The following MYO1H variants were observed in gnomAD, a reference collection of about 807,000 sequenced individuals.
MYO1H encodes myosin IH.
MYO1H carries 118 observed loss-of-function variants against 149.3 expected under a neutral mutation model. The ratio of observed to expected loss-of-function variants is 0.79; its 90% CI spans 0.68 to 0.92. MYO1H has a LOEUF of 0.92. Among genes scored for constraint, MYO1H ranks in the 40% least tolerant of loss-of-function variants. The probability of loss-of-function intolerance (pLI) is 0.00; values close to 1 mark genes in which losing one functional copy is unlikely to be tolerated. For missense variants in MYO1H, 1,212 were observed against 1,280.7 expected, an observed-to-expected ratio of 0.95 and a Z score of 0.82; for synonymous variants, 447 against 465.2, an observed-to-expected ratio of 0.96 and a Z score of 0.50.
intron 1 of MYO1H, among the ~76,000 whole-genome samples, chr12:109,386,765 T>C (rs1382472650): frequency 5.3e-5 from 8 of 152,190 alleles, no homozygotes; most frequent in Admixed American, 5.2e-4. Context: ...TTAGGAATAT[T>C]TTCTGCTGTT....
rs541289093 is a variant in MYO1H at position 109,358,846 on chromosome 12, TAAAAAAAAAAAAA to T, written c.12+10886_12+10898del. On this transcript the variant is annotated intron_variant, in intron 1 of 31. Coordinates refer to ENST00000310903, the Ensembl canonical transcript of MYO1H. ...TTCTGGGGGAAGCATCCTGTGGTGT[TAAAAAAAAAAAAA>T]AAAAAAAAAAAGGCTCTAAGATAAA... is the stretch of plus-strand genomic sequence containing the variant. Among the ~76,000 whole-genome samples, 6 of 84,534 alleles carry T rather than the reference TAAAAAAAAAAAAA, an allele frequency of 7.1e-5. 1 individual carries two copies. The South Asian group carries it at 2.8e-3, about 40-fold the overall frequency. The allele number at this position is 84,534 out of a possible 152,430, so 55.5% of individuals were successfully genotyped here.
chr12:109,321,409 C>T, the MYO1H span, among the ~76,000 whole-genome samples: 31 of 151,322 alleles, frequency 2.0e-4, 1 homozygote, highest in East Asian at 3.2e-3. Context: ...AAAAATTAGC[C>T]GGGTGTGGTG....
chr12:109,349,495 A>C (rs12824535), intron 1 of MYO1H, among the ~76,000 whole-genome samples: 71,098 of 144,236 alleles, frequency 0.49, 18,527 homozygotes, highest in African/African-American at 0.61. Context: ...TGACCCCCCC[A>C]CCAAAAAAAT....
chr12:109,312,872 C>T, the MYO1H span, among the ~76,000 whole-genome samples: 1 of 151,436 alleles, frequency 6.6e-6, no homozygotes, highest in African/African-American at 2.4e-5. Flanking sequence ...CACATAGTAC[C>T]CTGGAGATTT....
chr12:109,319,970 C>T, the MYO1H span, among the ~76,000 whole-genome samples: 1 of 152,078 alleles, frequency 6.6e-6, no homozygotes, highest in Non-Finnish European at 1.5e-5. Context: ...GCTAGACTTT[C>T]ATTGTCTAAT....
At chr12:109,443,719 C>T in intron 28 of MYO1H, 70 bp downstream of exon 28, 2 of 1,567,424 alleles carry the variant, frequency 1.3e-6, no homozygotes, top group Non-Finnish European at 1.7e-6. Context: ...AGTAATGAAG[C>T]TCCCAAATGG....
intron 1 of MYO1H, among the ~76,000 whole-genome samples, chr12:109,386,189 G>C (rs76682741): frequency 0.025 from 3,847 of 152,250 alleles, 61 homozygotes; most frequent in Middle Eastern, 0.054. Context: ...GCGTGTACCC[G>C]TTATTTCTCT....
chr12:109,331,785 A>G, the MYO1H span, among the ~76,000 whole-genome samples: 1 of 152,220 alleles, frequency 6.6e-6, no homozygotes, highest in Non-Finnish European at 1.5e-5. Flanking sequence ...TAGCTCCTGC[A>G]TGACAGCTGG....
intron 27 of MYO1H, 74 bp from the exon 28 acceptor site, chr12:109,443,440 T>C (rs1872329611): frequency 7.8e-6 from 12 of 1,544,184 alleles, no homozygotes; most frequent in Non-Finnish European, 9.7e-6. Flanking sequence ...TGACATCACT[T>C]TACCGGTGTC....
At chr12:109,372,071 T>G (rs1388824297) in intron 1 of MYO1H, among the ~76,000 whole-genome samples, 2 of 152,178 alleles carry the variant, frequency 1.3e-5, no homozygotes, top group African/African-American at 4.8e-5. Flanking sequence ...GAGCTATAAA[T>G]TGTAAATATT....
At chr12:109,438,394 T>A in intron 22 of MYO1H, 142 bp from the exon 23 acceptor site, 1 of 687,570 alleles carries the variant, frequency 1.5e-6, no homozygotes, top group Non-Finnish European at 2.6e-6. Context: ...ATGACATTCA[T>A]CCGACCTTCC....
the MYO1H span, among the ~76,000 whole-genome samples, chr12:109,341,384 T>C: frequency 6.6e-6 from 1 of 152,200 alleles, no homozygotes; most frequent in Admixed American, 6.5e-5. Context: ...TCTATTATAT[T>C]TGCTAAGAAT....
At chr12:109,347,223 T>C (rs1196006716), upstream of MYO1H, among the ~76,000 whole-genome samples, 1 of 152,046 alleles carries the variant, frequency 6.6e-6, no homozygotes, top group Non-Finnish European at 1.5e-5. Context: ...ATGTGGTGGG[T>C]GATGGGTGGG....
At chr12:109,439,703 G>C (rs1872031933) in exon 24 of MYO1H, 2 of 1,613,758 alleles carry the variant, frequency 1.2e-6, no homozygotes, top group South Asian at 2.2e-5. Context: ...TGTTTGTGCG[G>C]AAGAATTACA....
At chr12:109,404,696 G>A (rs1870302372) in intron 7 of MYO1H, among the ~76,000 whole-genome samples, 1 of 152,184 alleles carries the variant, frequency 6.6e-6, no homozygotes, top group Admixed American at 6.5e-5. Context: ...CAAGGAGGAA[G>A]AGTCAGTTTT....
the MYO1H span, among the ~76,000 whole-genome samples, chr12:109,314,190 T>C: frequency 1.3e-5 from 2 of 151,686 alleles, no homozygotes; most frequent in Non-Finnish European, 2.9e-5. Context: ...TGGCCTTTTT[T>C]ACTTTTTTTC....
upstream of MYO1H, among the ~76,000 whole-genome samples, chr12:109,343,108 G>T (rs2136986514): frequency 1.3e-5 from 2 of 152,090 alleles, no homozygotes; most frequent in Middle Eastern, 6.8e-3. Flanking sequence ...AAAAAAAATT[G>T]CATTTAGCTA....
At chr12:109,389,165 T>C (rs986739459) in intron 2 of MYO1H, among the ~76,000 whole-genome samples, 2 of 152,176 alleles carry the variant, frequency 1.3e-5, no homozygotes, top group African/African-American at 2.4e-5. Context: ...TAGGCATCCA[T>C]TTCTTTCTCA....
rs182357725 is a variant in MYO1H, at chr12:109,436,470, C to T, written c.2141-18C>T. ...CAAATGCAAAGCCATTTCACCAAAA[C>T]GTCTGTTTTATTTTAAGTTGCAAGA... On this transcript the variant is annotated intron_variant, in intron 21 of 31. Coordinates refer to ENST00000310903, the Ensembl canonical transcript of MYO1H. The T allele has an allele frequency of 9.7e-5, 155 of 1,596,534 alleles. 1 individual carries two copies. In the African/African-American group the frequency reaches 1.6e-3, roughly 16 times the overall value.
Sources: allele counts gnomAD v4.1 joint callset (sites outside exome capture counted in the v4.1 genomes callset), GRCh38; gene constraint gnomAD v4.1.1; transcripts MANE v1.5; gene names NCBI Gene and HGNC (gene_info 2026-07-23, HGNC 2026-07-21).